KIF20A: variants seen among roughly 807,000 people sequenced by gnomAD.
KIF20A encodes kinesin-like protein KIF20A.
KIF20A carries 66 observed loss-of-function variants against 113.0 expected under a neutral mutation model. That is an observed-to-expected ratio of 0.58 (90% CI 0.48 to 0.72). The LOEUF (loss-of-function observed/expected upper bound fraction) is 0.72, where lower values mean the gene tolerates loss of function less well. Ranked by LOEUF, KIF20A falls within the 30% of genes least tolerant of loss-of-function variation. The pLI, the probability that KIF20A is intolerant of heterozygous loss-of-function variation, is 0.00. For missense variants in KIF20A, 927 were observed against 1,077.6 expected (o/e 0.86, Z 1.96); for synonymous variants, 376 against 402.3 (o/e 0.93, Z 0.78).
Position 138,182,576 on chromosome 5 carries a change from A to G in KIF20A, c.515-10A>G. 1 of 1,614,006 alleles carries G rather than the reference A, an allele frequency of 6.2e-7. No individual in the cohort carries two copies. Among genetic ancestry groups the G allele is most frequent in the Non-Finnish European group, 8.5e-7 (1 of 1,179,970 alleles). On this transcript the variant is annotated splice_polypyrimidine_tract_variant and intron_variant, in intron 5 of 18. Coordinates refer to ENST00000394894, the MANE Select transcript of KIF20A (RefSeq NM_005733.3). ...CTTGCCTCAGCTGTCCATCTTTCAT[A>G]TGCCTCCAGGTACCATCAAGGATGG... is the stretch of plus-strand genomic sequence containing the variant.
chr5:138,182,679 C>G lies in KIF20A; in HGVS notation c.608C>G (p.Pro203Arg). ...GQLHPTPDLK[P>R]LLSNEVIWLD... is the part of the protein sequence containing the mutation. ...CTTCATCCAACACCTGATCTGAAGC[C>G]CTTGCTCTCCAATGAGGTAATCTGG... Residue 203 changes from proline to arginine, a missense_variant, in exon 6 of 19, where the codon CCC (proline) becomes CGC (arginine). Coordinates refer to ENST00000394894, the MANE Select transcript of KIF20A (RefSeq NM_005733.3). The G allele has an allele frequency of 6.2e-7, 1 of 1,614,078 alleles. No homozygotes were observed. Among genetic ancestry groups the G allele is most frequent in the Non-Finnish European group, 8.5e-7 (1 of 1,180,016 alleles).
At chr5:138,181,326 AGT>A (rs1006665435) in intron 2 of KIF20A, 94 bp from the exon 3 acceptor site, 2 of 903,128 alleles carry the variant, frequency 2.2e-6, no homozygotes, top group Non-Finnish European at 3.6e-6. Flanking sequence ...GAAATGGGGT[AGT>A]GTTATCATAG....
chr5:138,186,778 T>C (rs1352631156), intron 18 of KIF20A, among the ~76,000 whole-genome samples: 1 of 152,190 alleles, frequency 6.6e-6, no homozygotes, highest in Non-Finnish European at 1.5e-5. Context: ...TCCAAAGAGA[T>C]TAAAATGTTA....
At chr5:138,185,000 TAAGG>T in intron 14 of KIF20A, 54 bp downstream of exon 14, 1 of 1,606,238 alleles carries the variant, frequency 6.2e-7, no homozygotes, top group Non-Finnish European at 8.5e-7. Flanking sequence ...GGGTGGGAAG[TAAGG>T]AGTTAGGTGG....
Position 138,183,843 on chromosome 5 carries a change from G to A in KIF20A, c.1208+87G>A. The A allele has an allele frequency of 6.4e-7, 1 of 1,573,422 alleles. No homozygotes were observed. The highest frequency in any genetic ancestry group is 1.1e-5 in the South Asian group (1 of 89,274). On this transcript the variant is annotated intron_variant, in intron 10 of 18. Coordinates refer to ENST00000394894, the MANE Select transcript of KIF20A (RefSeq NM_005733.3). This position sits in a 1 kb window ranked among gnomAD's most constrained non-coding sequence, Gnocchi z 5.2. ...GAGGAGGTCCTCAGGGGAACTATGT[G>A]TTCTCCTTCTTTGGGTACAGAGATT...
At chr5:138,186,548 A>G in intron 18 of KIF20A, 117 bp downstream of exon 18, 1 of 1,119,588 alleles carries the variant, frequency 8.9e-7, no homozygotes, top group South Asian at 1.6e-5. Flanking sequence ...TTATAGTGAG[A>G]GCAGTATATT....
chr5:138,183,479 G>A lies in KIF20A; in HGVS notation c.1037G>A (p.Trp346Ter). The change falls in exon 9 of 19, where the codon TGG becomes TAG. Residue 346 changes from tryptophan to a stop codon, truncating the protein, a stop_gained. Coordinates refer to ENST00000394894, the MANE Select transcript of KIF20A (RefSeq NM_005733.3). LOFTEE classifies it high-confidence loss of function. This position sits in a 1 kb window ranked among gnomAD's most constrained non-coding sequence, Gnocchi z 5.2. ...TCTCCTTTGGCCCCAGATCTCAACT[G>A]GATTCATGTGCAAGATGCTGAGGAG... Reference protein sequence around the residue: ...NGNPYVKDLNWIHVQDAEEAW... With the variant: ...NGNPYVKDLN The A allele has an allele frequency of 1.9e-6, 3 of 1,614,034 alleles. No homozygotes were observed. The highest frequency in any genetic ancestry group is 2.5e-6 in the Non-Finnish European group (3 of 1,179,966).
At chr5:138,180,671 G>GT (rs1031980950) in intron 2 of KIF20A, among the ~76,000 whole-genome samples, 20 of 151,148 alleles carry the variant, frequency 1.3e-4, no homozygotes, top group African/African-American at 3.9e-4. Context: ...GGTTTTTTTT[G>GT]TTTTTTGGGT....
chr5:138,182,872 C>T lies in KIF20A; in HGVS notation c.714C>T (p.Ser238=). ...CTGTGCCCCTCCAGGAGGAGCTGTC[C>T]ACTTCCTTGAAGAGGAGTGTCTACA... is the stretch of plus-strand genomic sequence containing the variant. ...LNGGLQEEEL[S]TSLKRSVYIE... The change falls in exon 7 of 19, where the codon TCC becomes TCT. Residue 238 remains serine (S), a synonymous_variant. Coordinates refer to ENST00000394894, the MANE Select transcript of KIF20A (RefSeq NM_005733.3). 2 of 1,614,158 alleles carry T rather than the reference C, an allele frequency of 1.2e-6. No individual in the cohort carries two copies. The highest frequency in any genetic ancestry group is 1.3e-5 in the African/African-American group (1 of 75,034).
At chr5:138,186,075 T>A in intron 17 of KIF20A, 23 bp downstream of exon 17, 1 of 1,601,462 alleles carries the variant, frequency 6.2e-7, no homozygotes, top group Non-Finnish European at 8.6e-7. Flanking sequence ...ATTCTCTGTT[T>A]ACCAAACTCT....
At position 138,183,573 on chromosome 5, in the gene KIF20A, C is replaced by T; in HGVS notation, c.1131C>T (p.Ser377=). The change falls in exon 9 of 19, where the codon TCC becomes TCT. Residue 377 remains serine, a synonymous_variant. Coordinates refer to ENST00000394894, the MANE Select transcript of KIF20A (RefSeq NM_005733.3). This position sits in a 1 kb window ranked among gnomAD's most constrained non-coding sequence, Gnocchi z 5.2. ...CCAGCACCCACCTCAACCAGAACTC[C>T]AGCCGCAGGTGAGTAGATTGTAAGA... ...SFASTHLNQN[S]SRSHSIFSIR... is the part of the protein sequence containing the mutation. 2 of 1,614,002 alleles carry T rather than the reference C, an allele frequency of 1.2e-6. No homozygotes were observed. The highest frequency in any genetic ancestry group is 1.7e-6 in the Non-Finnish European group (2 of 1,179,932).
intron 1 of KIF20A, 169 bp downstream of exon 1, chr5:138,179,371 C>T (rs1156362536): frequency 2.5e-5 from 9 of 358,068 alleles, no homozygotes; most frequent in South Asian, 5.3e-5. Flanking sequence ...CCTGACACCA[C>T]CTCCACAGCA....
rs370662508 is a variant in KIF20A at position 138,184,043 on chromosome 5, T to C, written c.1290T>C (p.Ile430=). The C allele has an allele frequency of 2.2e-5, 35 of 1,613,942 alleles. No individual in the cohort carries two copies. The highest frequency in any genetic ancestry group is 2.9e-5 in the Non-Finnish European group (34 of 1,180,006). ...SGERLKEAGN[I]NTSLHTLGRC... ...AACGGTTGAAGGAAGCAGGAAACAT[T>C]AACACCTCTCTACACACCCTGGGCC... The change falls in exon 11 of 19, where the codon ATT becomes ATC. Residue 430 remains isoleucine (I), a synonymous_variant. Coordinates refer to ENST00000394894, the MANE Select transcript of KIF20A (RefSeq NM_005733.3).
rs751203875 is a variant in KIF20A at position 138,181,431 on chromosome 5, G to A, written c.175G>A (p.Glu59Lys). The change falls in exon 3 of 19, where the codon GAG becomes AAG. Residue 59 changes from glutamate (E) to lysine (K), a missense_variant. Glu to Lys is a moderately conservative substitution (Grantham distance 56). Coordinates refer to ENST00000394894, the MANE Select transcript of KIF20A (RefSeq NM_005733.3). Reference sequence around the variant, plus strand: ...TGGGATTCTGCCACAGGTTCCATCTGAGGACAGTATGGAGAAGGTGAAAGT... The same window carrying A: ...TGGGATTCTGCCACAGGTTCCATCTAAGGACAGTATGGAGAAGGTGAAAGT... ...SLEDKQQVPS[E>K]DSMEKVKVYL... 2.5e-6 allele frequency: 4 copies of A among 1,613,880 alleles called. No individual in the cohort carries two copies. Among genetic ancestry groups the A allele is most frequent in the Non-Finnish European group, 3.4e-6 (4 of 1,179,736 alleles).
rs774360689 is a variant in KIF20A at position 138,185,689 on chromosome 5, G to A, written c.2104G>A (p.Glu702Lys). Residue 702 changes from glutamate to lysine, a missense_variant, in exon 16 of 19, where the codon GAG (glutamate) becomes AAG (lysine). Transcript: ENST00000394894. ...AGCTAAATTACAGCAGTGCAAAGCAGAGCTAAACTCTACCACTGAAGGTGA... is the reference window on the plus strand; with the variant it reads ...AGCTAAATTACAGCAGTGCAAAGCAAAGCTAAACTCTACCACTGAAGGTGA... ...VKAKLQQCKA[E>K]LNSTTEELHK... The A allele has an allele frequency of 6.2e-7, 1 of 1,613,998 alleles. No individual in the cohort carries two copies. Among genetic ancestry groups the A allele is most frequent in the African/African-American group, 1.3e-5 (1 of 74,930 alleles).
Position 138,186,290 on chromosome 5 carries a change from T to A in KIF20A, c.2218-4T>A. 3 of 1,586,724 alleles carry A rather than the reference T, an allele frequency of 1.9e-6. No individual in the cohort carries two copies. Among genetic ancestry groups the A allele is most frequent in the Non-Finnish European group, 2.6e-6 (3 of 1,172,160 alleles). ...CAATATGATTCCTACTTCCCCTTTT[T>A]CAGAATATAAGGCTGTTGCGGACAG... On this transcript the variant is annotated splice_polypyrimidine_tract_variant and splice_region_variant and intron_variant, in intron 17 of 18. Coordinates refer to ENST00000394894, the MANE Select transcript of KIF20A (RefSeq NM_005733.3).
rs375123506 is a variant in KIF20A, at chr5:138,184,496, T to C, written c.1519-16T>C. 7.5e-6 allele frequency: 12 copies of C among 1,606,684 alleles called. No homozygotes were observed. The highest frequency in any genetic ancestry group is 1.7e-5 in the Admixed American group (1 of 59,640). On this transcript the variant is annotated splice_polypyrimidine_tract_variant and intron_variant, in intron 12 of 18. Transcript: ENST00000394894. ...ACTACTTATGGAGTCAAGTAAGATA[T>C]TTTTTTTCCCTCTAGCTTGTGCATG...
In KIF20A at chr5:138,182,305, A is replaced by C. The variant is rs543043381; in HGVS notation, c.376-18A>C. ...GGAGATGAAGGAGAGGCCTCTAAAA[A>C]ACTGGGTCTCTCTCTAGATCTTTGG... On this transcript the variant is annotated intron_variant, in intron 4 of 18. Transcript: ENST00000394894. 7 of 1,608,888 alleles carry C rather than the reference A, an allele frequency of 4.4e-6. No homozygotes were observed. In the South Asian group the frequency reaches 6.6e-5, roughly 15 times the overall value.
chr5:138,185,253 C>A, intron 15 of KIF20A, 56 bp downstream of exon 15: 1 of 1,212,614 alleles, frequency 8.2e-7, no homozygotes, highest in Non-Finnish European at 1.2e-6. Flanking sequence ...CACTAGCTTG[C>A]CTGAAGTAAA....
Sources: gnomAD v4.1 joint callset for allele counts (sites outside exome capture counted in the v4.1 genomes callset) on GRCh38, gnomAD v4.1.1 for gene constraint, Gnocchi (gnomAD v3.1) non-coding constraint, MANE v1.5 for transcripts, NCBI Gene and HGNC (gene_info 2026-07-23, HGNC 2026-07-21) for gene names.